Variants in ADGRL3 observed in about 807,000 individuals in gnomAD.
ADGRL3 encodes the protein calcium-independent alpha-latrotoxin receptor 3.
Under a neutral mutation model 153.5 loss-of-function variants are expected in ADGRL3, and 62 were observed. That is an observed-to-expected ratio of 0.40 (90% CI 0.33 to 0.50). ADGRL3 has a LOEUF of 0.50. ADGRL3 is among the 20% of genes least tolerant of loss of function. The pLI is 0.47. For synonymous variants in ADGRL3, 710 were observed against 672.5 expected, an observed-to-expected ratio of 1.06 and a Z score of -0.86; for missense variants, 1,641 against 1,859.4, an observed-to-expected ratio of 0.88 and a Z score of 2.16.
At chr4:62,024,991 C>T (rs77732223) in intron 21 of ADGRL3, among the ~76,000 whole-genome samples, 3,704 of 146,318 alleles carry the variant, frequency 0.025, 74 homozygotes, top group Non-Finnish European at 0.039. Context: ...TAGTGATGAA[C>T]AAAGAACAAA....
At chr4:61,963,019 G>C (rs1004440352) in intron 17 of ADGRL3, among the ~76,000 whole-genome samples, 4 of 151,974 alleles carry the variant, frequency 2.6e-5, no homozygotes, top group Non-Finnish European at 5.9e-5. Flanking sequence ...AGCTTTACCT[G>C]GACCTTGAAG....
intron 19 of ADGRL3, among the ~76,000 whole-genome samples, chr4:61,993,704 T>C (rs2099111863): frequency 2.6e-5 from 4 of 152,010 alleles, no homozygotes; most frequent in South Asian, 2.1e-4. Flanking sequence ...TCTCTCTCTC[T>C]CCCTCTCTGT....
intron 21 of ADGRL3, among the ~76,000 whole-genome samples, chr4:62,009,153 C>T (rs767209896): frequency 1.3e-5 from 2 of 152,112 alleles, no homozygotes; most frequent in Admixed American, 6.6e-5. Context: ...ACTGTATATG[C>T]TTTCTAGAAA....
At chr4:61,359,836 A>G (rs1017701065) in intron 1 of ADGRL3, among the ~76,000 whole-genome samples, 1 of 152,194 alleles carries the variant, frequency 6.6e-6, no homozygotes, top group African/African-American at 2.4e-5. Context: ...AGCTCAATAC[A>G]TTTGTTGAAT....
At position 61,345,569 on chromosome 4, in the gene ADGRL3, G is replaced by A. The variant is rs146681468; in HGVS notation, c.-239-37555G>A. 2.5e-3 allele frequency among the ~76,000 whole-genome samples: 373 copies of A among 152,232 alleles called. 4 individuals are homozygous for A. Among genetic ancestry groups the A allele is most frequent in the Non-Finnish European group, 3.3e-3 (223 of 67,988 alleles). On this transcript the variant is annotated intron_variant, in intron 1 of 26. Coordinates refer to ENST00000683033, the MANE Select transcript of ADGRL3 (RefSeq NM_001387552.1). ...AGCTCTATGATTATTGCATGGGCAA[G>A]AATAAAAACTATGGTCCATGTACAA...
At chr4:61,639,267 CT>C (rs1560977752) in intron 5 of ADGRL3, among the ~76,000 whole-genome samples, 1 of 152,006 alleles carries the variant, frequency 6.6e-6, no homozygotes, top group Non-Finnish European at 1.5e-5. Context: ...ATTAAAAGAT[CT>C]AAAGTTTTTG....
chr4:61,561,609 A>G (rs1200527626), intron 4 of ADGRL3, among the ~76,000 whole-genome samples: 1 of 152,166 alleles, frequency 6.6e-6, no homozygotes, highest in Admixed American at 6.5e-5. Flanking sequence ...CCTTATGCTA[A>G]GTGAATATTG....
chr4:61,292,908 G>A (rs974097491), intron 1 of ADGRL3, among the ~76,000 whole-genome samples: 1 of 152,158 alleles, frequency 6.6e-6, no homozygotes, highest in African/African-American at 2.4e-5. Flanking sequence ...TGAGTGGCTT[G>A]AGTATATCTT....
chr4:61,587,158 C>A, intron 4 of ADGRL3, 69 bp from the exon 5 acceptor site: 1 of 996,866 alleles, frequency 1.0e-6, no homozygotes, highest in Non-Finnish European at 1.5e-6. Flanking sequence ...ATTGGAAAAG[C>A]GAACACATGT....
At chr4:61,768,447 GACGAGTTGC>G (rs1371024111) in intron 8 of ADGRL3, among the ~76,000 whole-genome samples, 1 of 152,024 alleles carries the variant, frequency 6.6e-6, no homozygotes, top group Non-Finnish European at 1.5e-5. Flanking sequence ...GAAGATTTGG[GACGAGTTGC>G]ACTGGGCACA....
chr4:61,768,674 G>T (rs1429890681), intron 8 of ADGRL3, among the ~76,000 whole-genome samples: 1 of 152,048 alleles, frequency 6.6e-6, no homozygotes, highest in Non-Finnish European at 1.5e-5. Context: ...TTTAGGTCAG[G>T]TGAGAATTGA....
At chr4:61,974,233 C>A (rs878957963) in intron 17 of ADGRL3, among the ~76,000 whole-genome samples, 1 of 152,072 alleles carries the variant, frequency 6.6e-6, no homozygotes, top group Non-Finnish European at 1.5e-5. Context: ...CCTCCCAAAG[C>A]GCTGGGATTA....
At chr4:61,386,935 T>C (rs182683152) in intron 2 of ADGRL3, among the ~76,000 whole-genome samples, 1 of 152,322 alleles carries the variant, frequency 6.6e-6, no homozygotes, top group East Asian at 1.9e-4. Context: ...CATATGAATG[T>C]GTTTTGACAA....
At chr4:61,474,431 A>T (rs926635748) in intron 2 of ADGRL3, among the ~76,000 whole-genome samples, 4 of 152,168 alleles carry the variant, frequency 2.6e-5, no homozygotes, top group Non-Finnish European at 4.4e-5. Context: ...TGTTGTGATA[A>T]ATACTGCTTG....
chr4:61,882,228 C>T (rs1345666077), intron 9 of ADGRL3, among the ~76,000 whole-genome samples: 1 of 152,164 alleles, frequency 6.6e-6, no homozygotes, highest in Admixed American at 6.5e-5. Context: ...AGGACAAATT[C>T]ATTTCACTAC....
rs77829485 is a variant in ADGRL3, at chr4:61,593,892, C to T, written c.473+6452C>T. ...CTCTGATATTATCCCTATGAATCCC[C>T]CTTGTCTCTGTCTCTTTCTCTCCCT... On this transcript the variant is annotated intron_variant, in intron 5 of 26. Transcript: ENST00000683033. 2.6e-3 allele frequency among the ~76,000 whole-genome samples: 392 copies of T among 152,020 alleles called. 1 individual carries two copies. The highest frequency in any genetic ancestry group is 9.1e-3 in the African/African-American group (377 of 41,490).
intron 1 of ADGRL3, among the ~76,000 whole-genome samples, chr4:61,205,292 G>A (rs972601711): frequency 1.3e-5 from 2 of 152,160 alleles, no homozygotes; most frequent in Non-Finnish European, 2.9e-5. Context: ...TTAGAAGTGG[G>A]GAGTTTTGGC....
At chr4:61,234,548 G>T (rs1021823390) in intron 1 of ADGRL3, among the ~76,000 whole-genome samples, 1 of 152,138 alleles carries the variant, frequency 6.6e-6, no homozygotes, top group Admixed American at 6.6e-5. Flanking sequence ...AATGGGCATA[G>T]AATATGGCCA....
intron 3 of ADGRL3, among the ~76,000 whole-genome samples, chr4:61,514,813 G>A (rs1043786227): frequency 2.6e-5 from 4 of 152,064 alleles, no homozygotes; most frequent in East Asian, 1.9e-4. Flanking sequence ...AGATCCCTAA[G>A]AGTTTGCTTC....
Sources: gnomAD v4.1 joint callset for allele counts (sites outside exome capture counted in the v4.1 genomes callset) on GRCh38, gnomAD v4.1.1 for gene constraint, MANE v1.5 for transcripts, NCBI Gene and HGNC (gene_info 2026-07-23, HGNC 2026-07-21) for gene names.